CORIN: variants seen among roughly 807,000 people sequenced by gnomAD.
The protein encoded by CORIN is atrial natriuretic peptide-converting enzyme.
CORIN carries 117 observed loss-of-function variants against 125.3 expected under a neutral mutation model. The ratio of observed to expected loss-of-function variants is 0.93; its 90% CI spans 0.80 to 1.09. CORIN has a LOEUF of 1.09. Ranked by LOEUF, CORIN falls within the 50% of genes least tolerant of loss-of-function variation. The probability of loss-of-function intolerance (pLI) is 0.00; values close to 1 mark genes in which losing one functional copy is unlikely to be tolerated. For missense variants in CORIN, 1,253 were observed against 1,306.7 expected, an observed-to-expected ratio of 0.96 and a Z score of 0.63; for synonymous variants, 450 against 466.4, an observed-to-expected ratio of 0.96 and a Z score of 0.45.
intron 16 of CORIN, among the ~76,000 whole-genome samples, chr4:47,641,308 C>T (rs1466392541): frequency 1.3e-5 from 2 of 152,134 alleles, no homozygotes; most frequent in African/African-American, 4.8e-5. Flanking sequence ...AAAAGAAATA[C>T]TTACACATTC....
intron 5 of CORIN, among the ~76,000 whole-genome samples, chr4:47,717,411 C>T (rs1363768451): frequency 6.6e-6 from 1 of 152,154 alleles, no homozygotes; most frequent in Non-Finnish European, 1.5e-5. Flanking sequence ...GCTTTCATTT[C>T]CTCTGTAACC....
At chr4:47,600,752 A>C (rs1721419971) in intron 20 of CORIN, among the ~76,000 whole-genome samples, 1 of 152,190 alleles carries the variant, frequency 6.6e-6, no homozygotes, top group African/African-American at 2.4e-5. Flanking sequence ...TGCTCTGCTA[A>C]AGTAGAGAAA....
At chr4:47,712,137 T>G (rs939178005) in intron 5 of CORIN, among the ~76,000 whole-genome samples, 1 of 152,216 alleles carries the variant, frequency 6.6e-6, no homozygotes, top group Non-Finnish European at 1.5e-5. Flanking sequence ...TGATACCAAA[T>G]GAGCTTTCAA....
intron 1 of CORIN, among the ~76,000 whole-genome samples, chr4:47,816,658 T>C (rs1242639348): frequency 6.6e-6 from 1 of 152,156 alleles, no homozygotes; most frequent in Non-Finnish European, 1.5e-5. Flanking sequence ...CTTGAGCGTT[T>C]ATTCCAATGA....
chr4:47,652,246 C>A (rs1723766599), intron 13 of CORIN, among the ~76,000 whole-genome samples: 1 of 152,158 alleles, frequency 6.6e-6, no homozygotes, highest in African/African-American at 2.4e-5. Context: ...ATCATTCTGA[C>A]AGCTGAAGTT....
At chr4:47,648,558 C>T (rs1723596653) in intron 13 of CORIN, among the ~76,000 whole-genome samples, 1 of 152,156 alleles carries the variant, frequency 6.6e-6, no homozygotes, top group African/African-American at 2.4e-5. Flanking sequence ...CCCCCCCACC[C>T]CCAAATGGAA....
chr4:47,761,682 T>C (rs2109867693), intron 4 of CORIN, among the ~76,000 whole-genome samples: 2 of 152,090 alleles, frequency 1.3e-5, no homozygotes, highest in South Asian at 4.1e-4. Context: ...CTCATTGAAA[T>C]AGAGAATAGA....
At chr4:47,651,889 T>A (rs1217736042) in intron 13 of CORIN, among the ~76,000 whole-genome samples, 1 of 152,200 alleles carries the variant, frequency 6.6e-6, no homozygotes, top group Non-Finnish European at 1.5e-5. Flanking sequence ...GAACTTTTAG[T>A]CTTGGTAAAG....
intron 1 of CORIN, among the ~76,000 whole-genome samples, chr4:47,814,233 A>G (rs61756993): frequency 1.3e-3 from 194 of 152,240 alleles, no homozygotes; most frequent in Non-Finnish European, 2.1e-3. Context: ...CCCTCTAAAC[A>G]CTGTGGGGGC....
At chr4:47,727,764 A>T in intron 5 of CORIN, among the ~76,000 whole-genome samples, 1 of 152,098 alleles carries the variant, frequency 6.6e-6, no homozygotes, top group East Asian at 1.9e-4. Flanking sequence ...GCACTATGGG[A>T]TTTAGGTTTC....
chr4:47,634,003 A>G (rs1205853768), intron 16 of CORIN, among the ~76,000 whole-genome samples: 1 of 152,246 alleles, frequency 6.6e-6, no homozygotes. Flanking sequence ...TTCAAAAAAA[A>G]TTAAACAAAT....
chr4:47,698,423 C>A (rs1577839282), intron 5 of CORIN, among the ~76,000 whole-genome samples: 1 of 151,696 alleles, frequency 6.6e-6, no homozygotes. Flanking sequence ...GTCTGCCCGG[C>A]AGGTGTCAGG....
chr4:47,641,335 A>G (rs1033287046), intron 16 of CORIN, among the ~76,000 whole-genome samples: 5 of 152,200 alleles, frequency 3.3e-5, no homozygotes. Flanking sequence ...CCTGAAAATT[A>G]TTGCTTTCCA....
chr4:47,595,852 A>AT lies in CORIN; in HGVS notation c.2997dup (p.Leu1000IlefsTer22), dbSNP rs1721229703. The stretch of plus-strand genomic sequence containing the variant: ...GAGCCCCATGAAGTTAATCCAAATA[A>AT]TGTCCACCGTCCTCCAGGCTTCTCA... On this transcript the variant is annotated frameshift_variant, in exon 22 of 22. Coordinates refer to ENST00000273857, the MANE Select transcript of CORIN (RefSeq NM_006587.4). LOFTEE classifies it high-confidence loss of function. 5 of 1,613,738 alleles carry AT rather than the reference A, an allele frequency of 3.1e-6. No homozygotes were observed. In the East Asian group the frequency reaches 1.1e-4, roughly 36 times the overall value.
At chr4:47,766,767 G>A (rs1729767540) in intron 3 of CORIN, among the ~76,000 whole-genome samples, 1 of 151,902 alleles carries the variant, frequency 6.6e-6, no homozygotes, top group Admixed American at 6.6e-5. Flanking sequence ...CCAACATGGT[G>A]AAACCCCATC....
intron 4 of CORIN, among the ~76,000 whole-genome samples, chr4:47,761,300 CTTCCCTT>C (rs1232480694): frequency 1.3e-5 from 2 of 152,234 alleles, no homozygotes; most frequent in East Asian, 3.8e-4. Context: ...ATATGCCACT[CTTCCCTT>C]CACCTGAATA....
chr4:47,810,765 C>T (rs1732028542), intron 1 of CORIN, among the ~76,000 whole-genome samples: 1 of 152,180 alleles, frequency 6.6e-6, no homozygotes, highest in African/African-American at 2.4e-5. Flanking sequence ...CTTCAATTAG[C>T]AGCCCTCCAT....
intron 12 of CORIN, among the ~76,000 whole-genome samples, chr4:47,654,344 AG>A (rs201697708): frequency 0.26 from 39,846 of 151,892 alleles, 5,469 homozygotes; most frequent in Admixed American, 0.36. Context: ...CACACAAAAA[AG>A]CACCTTCATA....
intron 5 of CORIN, among the ~76,000 whole-genome samples, chr4:47,715,599 C>T (rs964395911): frequency 2.1e-5 from 3 of 146,060 alleles, no homozygotes; most frequent in Admixed American, 2.0e-4. Flanking sequence ...ACTCTGTCTC[C>T]AAAAAAAAAG....
Sources: gnomAD v4.1 joint callset for allele counts (sites outside exome capture counted in the v4.1 genomes callset) on GRCh38, gnomAD v4.1.1 for gene constraint, MANE v1.5 for transcripts, NCBI Gene and HGNC (gene_info 2026-07-23, HGNC 2026-07-21) for gene names.